The following SLC16A10 variants were observed in gnomAD, a reference collection of about 807,000 sequenced individuals.
SLC16A10 encodes the protein monocarboxylate transporter 10.
A neutral mutation model predicts 40.0 loss-of-function variants in SLC16A10; 27 were observed. That is an observed-to-expected ratio of 0.67 (90% CI 0.50 to 0.93). The LOEUF is 0.93. SLC16A10 is among the 40% of genes least tolerant of loss of function. SLC16A10 has a pLI of 0.00. For missense variants in SLC16A10, 529 were observed against 658.2 expected (o/e 0.80, Z 2.15); for synonymous variants, 213 against 249.8 (o/e 0.85, Z 1.39).
At chr6:111,138,160 A>C (rs777476921) in intron 1 of SLC16A10, among the ~76,000 whole-genome samples, 4 of 152,210 alleles carry the variant, frequency 2.6e-5, no homozygotes, top group Admixed American at 6.5e-5. Context: ...TAAACCAAAT[A>C]CTTTTTTTCT....
At chr6:111,206,876 T>A in intron 4 of SLC16A10, 141 bp downstream of exon 4, 2 of 1,040,982 alleles carry the variant, frequency 1.9e-6, no homozygotes, top group Non-Finnish European at 2.7e-6. Context: ...TTGCCCAGGC[T>A]GGAGTGCAAT....
intron 1 of SLC16A10, among the ~76,000 whole-genome samples, chr6:111,167,250 T>G (rs1772492287): frequency 6.6e-6 from 1 of 152,172 alleles, no homozygotes; most frequent in Admixed American, 6.5e-5. Flanking sequence ...AAAACTAGCT[T>G]AGGGGAAGAG....
At chr6:111,140,169 A>G (rs751762208) in intron 1 of SLC16A10, among the ~76,000 whole-genome samples, 13 of 152,196 alleles carry the variant, frequency 8.5e-5, no homozygotes, top group Non-Finnish European at 1.6e-4. Context: ...TTTTAAAAGA[A>G]ACAGAATGCC....
intron 3 of SLC16A10, among the ~76,000 whole-genome samples, chr6:111,190,820 C>T (rs1772977905): frequency 6.6e-6 from 1 of 152,128 alleles, no homozygotes; most frequent in Non-Finnish European, 1.5e-5. Context: ...CTGGGCCTGG[C>T]CCATGAAATC....
At chr6:111,124,728 C>A (rs1771643820) in intron 1 of SLC16A10, among the ~76,000 whole-genome samples, 1 of 152,162 alleles carries the variant, frequency 6.6e-6, no homozygotes. Flanking sequence ...GTAGGAATGG[C>A]AGAGAGTAAT....
At chr6:111,094,596 A>C (rs1771040057) in intron 1 of SLC16A10, among the ~76,000 whole-genome samples, 1 of 152,006 alleles carries the variant, frequency 6.6e-6, no homozygotes, top group Non-Finnish European at 1.5e-5. Flanking sequence ...AATCAGTCCC[A>C]CTTTTCTTTC....
chr6:111,219,343 G>A (rs777851618), intron 5 of SLC16A10, among the ~76,000 whole-genome samples: 1 of 151,818 alleles, frequency 6.6e-6, no homozygotes, highest in Non-Finnish European at 1.5e-5. Flanking sequence ...ACAACATAGT[G>A]AGACACTATC....
rs1771003020 is a variant in SLC16A10, at chr6:111,226,817, T to C, written c.*4582T>C. 2 of 152,260 alleles carry C rather than the reference T, an allele frequency of 1.3e-5. No individual in the cohort carries two copies. Among genetic ancestry groups the C allele is most frequent in the African/African-American group, 4.8e-5 (2 of 41,474 alleles). 9.4% of individuals were successfully genotyped at this position (152,260 alleles called of 1,614,324 possible). On this transcript the variant is annotated 3_prime_UTR_variant, in exon 6 of 6. Coordinates refer to ENST00000368851, the MANE Select transcript of SLC16A10 (RefSeq NM_018593.5). Reference sequence around the variant, plus strand: ...TAAGAATACATCGTAGAAGGAAGACTTGCTACTTTACTGACTTAATCATTA... The same window carrying C: ...TAAGAATACATCGTAGAAGGAAGACCTGCTACTTTACTGACTTAATCATTA...
intron 1 of SLC16A10, among the ~76,000 whole-genome samples, chr6:111,088,951 T>C (rs1770924782): frequency 6.6e-6 from 1 of 151,996 alleles, no homozygotes; most frequent in Non-Finnish European, 1.5e-5. Context: ...TCAACCCCAT[T>C]TGGGTGAGAA....
At chr6:111,162,958 A>G (rs987615228) in intron 1 of SLC16A10, among the ~76,000 whole-genome samples, 17 of 151,908 alleles carry the variant, frequency 1.1e-4, no homozygotes, top group Non-Finnish European at 7.4e-5. Flanking sequence ...ACAATCTCCA[A>G]AGTTATCAGA....
intron 1 of SLC16A10, among the ~76,000 whole-genome samples, chr6:111,147,360 T>C (rs1416522864): frequency 6.6e-6 from 1 of 152,242 alleles, no homozygotes; most frequent in African/African-American, 2.4e-5. Context: ...AAAGCAAAAC[T>C]GTTCTAGCAT....
Position 111,087,787 on chromosome 6 carries a change from G to T in SLC16A10, c.35G>T (p.Arg12Leu), listed in dbSNP as rs1770893952. The change falls in exon 1 of 6, where the codon CGG becomes CTG. Residue 12 changes from arginine to leucine, a missense_variant. Arg to Leu is a moderately radical substitution (Grantham distance 102). Transcript: ENST00000368851. Reference sequence around the variant, plus strand: ...TCCCAGGAGGAGCCGGACTCCGCGCGGGGCACGAGCGAGGCGCAGCCGCTC... The same window carrying T: ...TCCCAGGAGGAGCCGGACTCCGCGCTGGGCACGAGCGAGGCGCAGCCGCTC... ...VLSQEEPDSA[R>L]GTSEAQPLGP... The T allele has an allele frequency of 1.6e-6, 2 of 1,231,212 alleles. No individual in the cohort carries two copies. The highest frequency in any genetic ancestry group is 4.0e-5 in the South Asian group (1 of 24,936). The allele number at this position is 1,231,212 out of a possible 1,614,324, so 76.3% of individuals were successfully genotyped here.
At chr6:111,125,283 G>A (rs1453213305) in intron 1 of SLC16A10, among the ~76,000 whole-genome samples, 1 of 152,088 alleles carries the variant, frequency 6.6e-6, no homozygotes, top group African/African-American at 2.4e-5. Context: ...ACATTTATTA[G>A]TTCATCTCCA....
intron 3 of SLC16A10, among the ~76,000 whole-genome samples, chr6:111,191,163 C>T (rs1224952954): frequency 7.2e-5 from 11 of 152,152 alleles, no homozygotes. Context: ...TGCTATCCCT[C>T]CTGTAGCCCC....
intron 1 of SLC16A10, among the ~76,000 whole-genome samples, chr6:111,163,988 T>A (rs1321922024): frequency 3.3e-5 from 5 of 152,208 alleles, no homozygotes; most frequent in Non-Finnish European, 5.9e-5. Flanking sequence ...CTTTACAAAT[T>A]TTTGTTAAAG....
At chr6:111,153,542 AAAATT>A (rs1400229371) in intron 1 of SLC16A10, among the ~76,000 whole-genome samples, 2 of 152,070 alleles carry the variant, frequency 1.3e-5, no homozygotes, top group Admixed American at 6.5e-5. Context: ...TCAAAAAAAA[AAAATT>A]AAATTAAAAC....
rs766949038 is a variant in SLC16A10 at position 111,218,998 on chromosome 6, T to A, written c.1271T>A (p.Leu424His). Residue 424 changes from leucine (L) to histidine (H), a missense_variant, in exon 5 of 6, where the codon CTC becomes CAC. Physicochemically the swap from Leu to His is moderately conservative, Grantham distance 99. Transcript: ENST00000368851. ...QDVSQAIGFLLGFMSIPMTVG... is the reference protein window; with the variant it reads ...QDVSQAIGFLHGFMSIPMTVG... ...GTCTCCCAAGCAATTGGATTTCTGCTCGGATTCATGTCTATACCCATGACT... is the reference window on the plus strand; with the variant it reads ...GTCTCCCAAGCAATTGGATTTCTGCACGGATTCATGTCTATACCCATGACT... 2 of 1,614,168 alleles carry A rather than the reference T, an allele frequency of 1.2e-6. No individual in the cohort carries two copies. Among genetic ancestry groups the A allele is most frequent in the Non-Finnish European group, 1.7e-6 (2 of 1,180,018 alleles).
intron 3 of SLC16A10, among the ~76,000 whole-genome samples, chr6:111,180,148 C>A (rs1448435329): frequency 1.3e-5 from 2 of 152,174 alleles, no homozygotes; most frequent in East Asian, 3.8e-4. Context: ...GTTTATAAAG[C>A]ACTTTTACAT....
In SLC16A10 at chr6:111,223,085, T is replaced by TAAAC. The variant is rs10680262; in HGVS notation, c.*853_*854insCAAA. ...TTTGTTGGCACTAGAACCTGATATT[T>TAAAC]AAAGTCTTACTGAGCAGCTATCAAG... On this transcript the variant is annotated 3_prime_UTR_variant, in exon 6 of 6. Transcript: ENST00000368851. 77,125 of 151,656 alleles carry TAAAC rather than the reference T, an allele frequency of 0.51. 20,350 individuals carry two copies. The highest frequency in any genetic ancestry group is 0.7 in the South Asian group (3,364 of 4,810). 9.4% of individuals were successfully genotyped at this position (151,656 alleles called of 1,614,324 possible).
Sources: gnomAD v4.1 joint callset for allele counts (sites outside exome capture counted in the v4.1 genomes callset) on GRCh38, gnomAD v4.1.1 for gene constraint, MANE v1.5 for transcripts, NCBI Gene and HGNC (gene_info 2026-07-23, HGNC 2026-07-21) for gene names.